Variants in CRCP observed in about 807,000 individuals in gnomAD.
CRCP encodes CGRP receptor component, also known as DNA-directed RNA polymerase III subunit RPC9.
In CRCP, 18 loss-of-function variants were observed where a neutral mutation model predicts 18.5. The ratio of observed to expected loss-of-function variants is 0.97; its 90% CI spans 0.67 to 1.44. The LOEUF is 1.44. Ranked by LOEUF, CRCP falls within the 40% of genes most tolerant of loss-of-function variation. The pLI is 0.00. For synonymous variants in CRCP, 53 were observed against 62.9 expected (o/e 0.84, Z 0.75); for missense variants, 130 against 176.4 (o/e 0.74, Z 1.49).
rs1280731758 is a variant in CRCP, at chr7:66,152,162, TGTAA to T, written c.298-43_298-40del. Reference sequence around the variant, plus strand: ...CACAGTGGGCAGGGCTGCCCAAGGCTGTAAGTTTCATTTGTAACCCTGGAGGATT... The same window carrying T: ...CACAGTGGGCAGGGCTGCCCAAGGCTGTTTCATTTGTAACCCTGGAGGATT... On this transcript the variant is annotated intron_variant, in intron 5 of 5. Coordinates refer to ENST00000395326, the MANE Select transcript of CRCP (RefSeq NM_014478.5). 1.9e-6 allele frequency: 3 copies of T among 1,610,740 alleles called. No individual in the cohort carries two copies. In the South Asian group the frequency reaches 3.3e-5, roughly 18 times the overall value.
intron 4 of CRCP, among the ~76,000 whole-genome samples, chr7:66,143,396 T>C (rs964538331): frequency 7.2e-5 from 11 of 152,178 alleles, no homozygotes; most frequent in African/African-American, 2.7e-4. Context: ...CCCAAATGAC[T>C]CTTTCACCCC....
intron 5 of CRCP, among the ~76,000 whole-genome samples, chr7:66,146,430 C>T (rs1252587258): frequency 1.3e-5 from 2 of 150,456 alleles, no homozygotes; most frequent in African/African-American, 2.4e-5. Context: ...TTAAGCAGGC[C>T]GTCTAATTGC....
rs10272021 is a variant in CRCP at position 66,124,002 on chromosome 7, G to A, written c.9-3702G>A. ...GGAGCTTGCAGTGAGCCGAGATCGC[G>A]CCACTGCACTCCAGCCTGGGTGACA... On this transcript the variant is annotated intron_variant, in intron 1 of 5. Transcript: ENST00000395326. Among the ~76,000 whole-genome samples, 529 of 120,838 alleles carry A rather than the reference G, an allele frequency of 4.4e-3. 4 individuals carry two copies. The highest frequency in any genetic ancestry group is 0.039 in the Middle Eastern group (7 of 180). 79.3% of individuals were successfully genotyped at this position (120,838 alleles called of 152,430 possible). A position where few individuals can be genotyped will look rare whatever the true frequency, so the allele number is the denominator to read the frequency against.
intron 2 of CRCP, among the ~76,000 whole-genome samples, chr7:66,129,161 G>GT (rs1787710546): frequency 6.6e-6 from 1 of 151,936 alleles, no homozygotes; most frequent in Non-Finnish European, 1.5e-5. Context: ...GTGAAACCCC[G>GT]TCTCTACTAA....
intron 1 of CRCP, among the ~76,000 whole-genome samples, chr7:66,116,190 C>G (rs1218676939): frequency 2.6e-5 from 4 of 152,028 alleles, no homozygotes; most frequent in Non-Finnish European, 4.4e-5. Flanking sequence ...CTCATATTGT[C>G]TATTTTTTAT....
intron 4 of CRCP, among the ~76,000 whole-genome samples, chr7:66,136,290 G>A (rs1392480780): frequency 7.2e-5 from 11 of 152,016 alleles, no homozygotes; most frequent in Non-Finnish European, 5.9e-5. Context: ...GAGTGCAATG[G>A]TGCAATCTCG....
At chr7:66,143,226 G>A (rs1464833392) in intron 4 of CRCP, among the ~76,000 whole-genome samples, 4 of 152,064 alleles carry the variant, frequency 2.6e-5, no homozygotes, top group Admixed American at 2.0e-4. Flanking sequence ...ACTCACCCAG[G>A]GGGTGTTACA....
At chr7:66,115,491 A>G (rs1787231989) in intron 1 of CRCP, among the ~76,000 whole-genome samples, 1 of 152,044 alleles carries the variant, frequency 6.6e-6, no homozygotes, top group African/African-American at 2.4e-5. Flanking sequence ...TTTGGGGTGG[A>G]GAAGGGAAGG....
chr7:66,145,955 G>T (rs1292667769), intron 5 of CRCP, among the ~76,000 whole-genome samples: 2 of 152,100 alleles, frequency 1.3e-5, no homozygotes, highest in Non-Finnish European at 2.9e-5. Flanking sequence ...TCCTGGCCTG[G>T]CCTCCCACGC....
intron 2 of CRCP, among the ~76,000 whole-genome samples, chr7:66,128,220 G>C (rs985658048): frequency 6.2e-4 from 94 of 152,154 alleles, no homozygotes; most frequent in African/African-American, 2.3e-3. Flanking sequence ...GTGGACCTTG[G>C]AATAGTGTAA....
At chr7:66,125,122 C>T (rs1025302464) in intron 1 of CRCP, among the ~76,000 whole-genome samples, 2 of 149,216 alleles carry the variant, frequency 1.3e-5, no homozygotes, top group African/African-American at 4.9e-5. Flanking sequence ...ATTATATCCT[C>T]ATGGATAGAT....
chr7:66,134,441 A>G (rs1787909940), intron 4 of CRCP, 67 bp downstream of exon 4: 1 of 1,127,464 alleles, frequency 8.9e-7, no homozygotes, highest in East Asian at 2.4e-5. Flanking sequence ...CATTCGTAGC[A>G]ACCGTGTATT....
chr7:66,118,272 G>A (rs538635306), intron 1 of CRCP, among the ~76,000 whole-genome samples: 1 of 152,260 alleles, frequency 6.6e-6, no homozygotes, highest in Non-Finnish European at 1.5e-5. Flanking sequence ...CACCACACCT[G>A]GCCACCTGTT....
chr7:66,147,255 C>A (rs1241389269), intron 5 of CRCP, among the ~76,000 whole-genome samples: 1 of 151,542 alleles, frequency 6.6e-6, no homozygotes, highest in Non-Finnish European at 1.5e-5. Flanking sequence ...GGCAGAATCA[C>A]TTGAACCCGG....
rs910713851 is a variant in CRCP at position 66,152,629 on chromosome 7, G to A, written c.*272G>A. The A allele has an allele frequency of 2.3e-5, 9 of 399,124 alleles. No individual in the cohort carries two copies. The highest frequency in any genetic ancestry group is 7.5e-5 in the South Asian group (3 of 40,046). The allele number at this position is 399,124 out of a possible 1,614,324, so 24.7% of individuals were successfully genotyped here. On this transcript the variant is annotated 3_prime_UTR_variant, in exon 6 of 6. Coordinates refer to ENST00000395326, the MANE Select transcript of CRCP (RefSeq NM_014478.5). Reference sequence around the variant, plus strand: ...TCTGTGCTTGAAAGATTTCCTCCACGGCCTTTGCCCCAGTTGTGGGGAGGT... The same window carrying A: ...TCTGTGCTTGAAAGATTTCCTCCACAGCCTTTGCCCCAGTTGTGGGGAGGT...
intron 5 of CRCP, among the ~76,000 whole-genome samples, chr7:66,149,346 T>C (rs1788388632): frequency 6.6e-6 from 1 of 151,928 alleles, no homozygotes; most frequent in African/African-American, 2.4e-5. Flanking sequence ...CAACCCCATC[T>C]CTACAAAAAA....
At chr7:66,144,320 G>A (rs1364852244) in intron 4 of CRCP, among the ~76,000 whole-genome samples, 2 of 152,186 alleles carry the variant, frequency 1.3e-5, no homozygotes, top group East Asian at 3.8e-4. Context: ...TGGGTTAAGT[G>A]CTTTCAGGGC....
At chr7:66,141,497 C>T (rs185134181) in intron 4 of CRCP, among the ~76,000 whole-genome samples, 402 of 151,984 alleles carry the variant, frequency 2.6e-3, no homozygotes, top group African/African-American at 9.1e-3. Context: ...TGGGTGAGGA[C>T]GTCAGTAGGA....
intron 1 of CRCP, among the ~76,000 whole-genome samples, chr7:66,121,462 A>ATT (rs879336268): frequency 1.3e-4 from 18 of 143,254 alleles, no homozygotes; most frequent in East Asian, 2.0e-4. Flanking sequence ...AAAGCATACA[A>ATT]TTTTTTTTTT....
Sources: allele counts gnomAD v4.1 joint callset (sites outside exome capture counted in the v4.1 genomes callset), GRCh38; gene constraint gnomAD v4.1.1; transcripts MANE v1.5; gene names NCBI Gene and HGNC (gene_info 2026-07-23, HGNC 2026-07-21).